ATL2: variants seen among roughly 807,000 people sequenced by gnomAD.
The protein encoded by ATL2 is atlastin-2.
ATL2 carries 31 observed loss-of-function variants against 73.9 expected under a neutral mutation model. The ratio of observed to expected loss-of-function variants is 0.42; its 90% CI spans 0.32 to 0.57. The LOEUF is 0.57. ATL2 is among the 20% of genes least tolerant of loss of function. The pLI, the probability that ATL2 is intolerant of heterozygous loss-of-function variation, is 0.14. For missense variants in ATL2, 738 were observed against 702.6 expected (o/e 1.05, Z -0.57); for synonymous variants, 291 against 237.5 (o/e 1.23, Z -2.07).
intron 2 of ATL2, among the ~76,000 whole-genome samples, chr2:38,342,224 C>G (rs548869542): frequency 6.6e-6 from 1 of 151,720 alleles, no homozygotes; most frequent in Non-Finnish European, 1.5e-5. Context: ...GAAAGAGATT[C>G]ATCAATTAAA....
chr2:38,330,757 T>C (rs1396858401), intron 2 of ATL2, among the ~76,000 whole-genome samples: 5 of 152,246 alleles, frequency 3.3e-5, no homozygotes, highest in Non-Finnish European at 7.3e-5. Flanking sequence ...TATCCCATAT[T>C]CATGGACTGT....
chr2:38,309,623 G>T, intron 8 of ATL2, 117 bp from the exon 9 acceptor site: 3 of 1,024,300 alleles, frequency 2.9e-6, no homozygotes, highest in Non-Finnish European at 2.8e-6. Flanking sequence ...TTACTGAAGT[G>T]GATTCATTTT....
chr2:38,343,149 TAAAA>T (rs59215933), intron 2 of ATL2, 115 bp downstream of exon 2: 707 of 363,896 alleles, frequency 1.9e-3, no homozygotes, highest in Middle Eastern at 4.4e-3. Flanking sequence ...CCACTTAAAT[TAAAA>T]AAAAAAAAAA....
At chr2:38,354,723 C>G (rs983178929) in intron 1 of ATL2, among the ~76,000 whole-genome samples, 2 of 151,904 alleles carry the variant, frequency 1.3e-5, no homozygotes, top group African/African-American at 4.8e-5. Context: ...AACCCTGTCT[C>G]TACTAAAAAT....
At chr2:38,302,837 C>A (rs1667258320) in intron 9 of ATL2, among the ~76,000 whole-genome samples, 3 of 152,176 alleles carry the variant, frequency 2.0e-5, no homozygotes, top group Non-Finnish European at 2.9e-5. Flanking sequence ...GTTAGAAAGC[C>A]TTCCCAAGGA....
intron 2 of ATL2, among the ~76,000 whole-genome samples, chr2:38,330,518 G>A (rs1375010): frequency 0.43 from 66,056 of 151,908 alleles, 17,138 homozygotes; most frequent in African/African-American, 0.74. Flanking sequence ...GAAGGAATCC[G>A]CTAAAAAAAT....
Position 38,310,424 on chromosome 2 carries a change from C to A in ATL2, c.828G>T (p.Glu276Asp). 32 of 1,600,870 alleles carry A rather than the reference C, an allele frequency of 2.0e-5. No individual in the cohort carries two copies. Among genetic ancestry groups the A allele is most frequent in the Non-Finnish European group, 2.7e-5 (32 of 1,175,084 alleles). The change falls in exon 8 of 13, where the codon GAG (glutamate) becomes GAT (aspartate). Residue 276 changes from glutamate to aspartate, a missense_variant. By Grantham distance (45) the Glu-to-Asp change is conservative (BLOSUM62 2). Transcript: ENST00000378954. The part of the protein sequence containing the change: ...RLQVKQNQHE[E>D]LQNVRKHIHN... ...GTATGTGCTTCCTTACATTCTGAAG[C>A]TCTTCATGTTGATTTTGTTTTACCT...
rs145878480 is a variant in ATL2 at position 38,309,557 on chromosome 2, C to G, written c.944-51G>C. The G allele has an allele frequency of 1.3e-4, 208 of 1,541,038 alleles. 1 individual carries two copies. In the African/African-American group the frequency reaches 1.8e-3, roughly 13 times the overall value. ...TATTAGTCCAAAAAAAATTAGGTCC[C>G]CACTGGTACGATTTCATAAAATTCT... On this transcript the variant is annotated intron_variant, in intron 8 of 12. Coordinates refer to ENST00000378954, the MANE Select transcript of ATL2 (RefSeq NM_001135673.4).
rs146350333 is a variant in ATL2 at position 38,303,747 on chromosome 2, G to C, written c.1072-3419C>G. ...CCCAAACCTAGATACCAATATTTAAGAACAAAAGATTATAGAACACCAAGC... is the reference window on the plus strand; with the variant it reads ...CCCAAACCTAGATACCAATATTTAACAACAAAAGATTATAGAACACCAAGC... On this transcript the variant is annotated intron_variant, in intron 9 of 12. Coordinates refer to ENST00000378954, the MANE Select transcript of ATL2 (RefSeq NM_001135673.4). 1.6e-3 allele frequency among the ~76,000 whole-genome samples: 251 copies of C among 152,194 alleles called. 1 individual carries two copies. Among genetic ancestry groups the C allele is most frequent in the African/African-American group, 5.8e-3 (241 of 41,546 alleles).
At chr2:38,339,880 G>A (rs1669603968) in intron 2 of ATL2, among the ~76,000 whole-genome samples, 1 of 151,984 alleles carries the variant, frequency 6.6e-6, no homozygotes, top group Non-Finnish European at 1.5e-5. Context: ...TAGTAGAGAT[G>A]GGTTTTCACC....
chr2:38,358,173 G>C (rs915699150), intron 1 of ATL2, among the ~76,000 whole-genome samples: 1 of 152,134 alleles, frequency 6.6e-6, no homozygotes, highest in African/African-American at 2.4e-5. Context: ...TAGGATGTAA[G>C]TGTCATTCAT....
At chr2:38,378,496 C>T (rs1672097388), upstream of ATL2, among the ~76,000 whole-genome samples, 1 of 152,214 alleles carries the variant, frequency 6.6e-6, no homozygotes, top group African/African-American at 2.4e-5. Flanking sequence ...CTCAGCCTCC[C>T]AAAGTGCTGG....
intron 10 of ATL2, 38 bp from the exon 11 acceptor site, chr2:38,299,365 CT>C (rs1667069771): frequency 6.7e-7 from 1 of 1,501,462 alleles, no homozygotes. Context: ...GCAAAAAATA[CT>C]CTATGACTCT....
intron 1 of ATL2, among the ~76,000 whole-genome samples, chr2:38,351,482 C>T (rs975065587): frequency 2.0e-5 from 3 of 149,378 alleles, no homozygotes; most frequent in Non-Finnish European, 4.4e-5. Flanking sequence ...AAAAATTATA[C>T]ATATATATAT....
At chr2:38,373,700 C>G (rs894959474) in intron 1 of ATL2, among the ~76,000 whole-genome samples, 1 of 152,226 alleles carries the variant, frequency 6.6e-6, no homozygotes, top group African/African-American at 2.4e-5. Flanking sequence ...CACACAGAGA[C>G]ACGTTCCATA....
At chr2:38,301,824 A>G (rs896822575) in intron 9 of ATL2, among the ~76,000 whole-genome samples, 1 of 152,176 alleles carries the variant, frequency 6.6e-6, no homozygotes, top group Admixed American at 6.5e-5. Flanking sequence ...CCTGGGGTGC[A>G]TATGATATAG....
At chr2:38,371,510 A>G (rs1484253075) in intron 1 of ATL2, among the ~76,000 whole-genome samples, 1 of 152,170 alleles carries the variant, frequency 6.6e-6, no homozygotes, top group East Asian at 1.9e-4. Flanking sequence ...CAAAAAACAT[A>G]GAAACAAAAC....
intron 2 of ATL2, 95 bp from the exon 3 acceptor site, chr2:38,319,114 T>C: frequency 1.5e-6 from 2 of 1,357,506 alleles, no homozygotes; most frequent in Non-Finnish European, 2.0e-6. Context: ...ATGGGGAAGC[T>C]AAACCCGGAA....
At chr2:38,358,733 G>A (rs529774220) in intron 1 of ATL2, 22 of 159,644 alleles carry the variant, frequency 1.4e-4, no homozygotes, top group South Asian at 9.5e-4. Flanking sequence ...CATGATATAC[G>A]GCTAGGATTG....
Sources: gnomAD v4.1 joint callset for allele counts (sites outside exome capture counted in the v4.1 genomes callset) on GRCh38, gnomAD v4.1.1 for gene constraint, MANE v1.5 for transcripts, NCBI Gene and HGNC (gene_info 2026-07-23, HGNC 2026-07-21) for gene names.